LAMC2: variants seen among roughly 807,000 people sequenced by gnomAD.
LAMC2 encodes the protein laminin subunit gamma-2.
In LAMC2, 97 loss-of-function variants were observed where a neutral mutation model predicts 140.2. That is an observed-to-expected ratio of 0.69 (90% CI 0.59 to 0.82). The LOEUF is 0.82. Ranked by LOEUF, LAMC2 falls within the 40% of genes least tolerant of loss-of-function variation. The probability of loss-of-function intolerance (pLI) is 0.00; values close to 1 mark genes in which losing one functional copy is unlikely to be tolerated. For synonymous variants in LAMC2, 513 were observed against 540.2 expected (o/e 0.95, Z 0.70); for missense variants, 1,402 against 1,476.1 (o/e 0.95, Z 0.82).
the LAMC2 span, chr1:183,252,614 A>G: frequency 2.7e-6 from 4 of 1,484,320 alleles, no homozygotes; most frequent in East Asian, 2.3e-5. Flanking sequence ...TGGAGGGGCC[A>G]TTGTGTTGCC....
At chr1:183,257,902 T>A in the LAMC2 span, among the ~76,000 whole-genome samples, 2 of 152,200 alleles carry the variant, frequency 1.3e-5, no homozygotes, top group African/African-American at 4.8e-5. Flanking sequence ...TTTAGTTTGT[T>A]CTTCTTTTTC....
intron 7 of LAMC2, among the ~76,000 whole-genome samples, chr1:183,224,269 G>C (rs926679929): frequency 1.3e-5 from 2 of 152,118 alleles, no homozygotes. Flanking sequence ...ATAATATAGG[G>C]GAGAACTGGC....
rs764478441 is a variant in LAMC2 at position 183,227,650 on chromosome 1, C to T, written c.1421C>T (p.Pro474Leu). The change falls in exon 10 of 23, where the codon CCG becomes CTG. Residue 474 changes from proline to leucine, a missense_variant. By Grantham distance (98) the Pro-to-Leu change is moderately conservative (BLOSUM62 -3). Transcript: ENST00000264144. ...CHNGFSCSVM[P>L]ETEEVVCNNC... is the part of the protein sequence containing the mutation. ...AACGGGTTCAGCTGCTCAGTGATGC[C>T]GGAGACGGAGGAGGTGGTGTGCAAT... 8.1e-6 allele frequency: 13 copies of T among 1,614,142 alleles called. No individual in the cohort carries two copies. Among genetic ancestry groups the T allele is most frequent in the South Asian group, 1.1e-5 (1 of 91,084 alleles).
At chr1:183,190,425 A>T (rs907857043) in intron 1 of LAMC2, among the ~76,000 whole-genome samples, 1 of 151,972 alleles carries the variant, frequency 6.6e-6, no homozygotes, top group Non-Finnish European at 1.5e-5. Context: ...AGTTTTACCC[A>T]ACAAAACAGG....
intron 5 of LAMC2, 128 bp from the exon 6 acceptor site, chr1:183,221,959 ATG>A: frequency 8.9e-7 from 1 of 1,117,804 alleles, no homozygotes; most frequent in East Asian, 2.4e-5. Context: ...CCATTTGCAA[ATG>A]TGGAAATATT....
At chr1:183,239,643 T>C in intron 20 of LAMC2, 80 bp downstream of exon 20, 1 of 1,279,766 alleles carries the variant, frequency 7.8e-7, no homozygotes, top group Non-Finnish European at 1.1e-6. Flanking sequence ...AACATTGAGC[T>C]TATTTTAACC....
the LAMC2 span, among the ~76,000 whole-genome samples, chr1:183,258,918 G>A: frequency 2.0e-5 from 3 of 152,140 alleles, no homozygotes; most frequent in Non-Finnish European, 2.9e-5. Context: ...CTCTGCTCCC[G>A]AAATGCTCAG....
At chr1:183,236,064 G>C (rs2102246121) in intron 16 of LAMC2, among the ~76,000 whole-genome samples, 1 of 152,232 alleles carries the variant, frequency 6.6e-6, no homozygotes, top group East Asian at 1.9e-4. Context: ...CTGTTATCAA[G>C]AAGTGGGGAA....
At chr1:183,230,842 A>G in intron 11 of LAMC2, 119 bp from the exon 12 acceptor site, 1 of 1,142,780 alleles carries the variant, frequency 8.8e-7, no homozygotes, top group Non-Finnish European at 1.3e-6. Context: ...AAGAAGGTGC[A>G]TGGAGGTATA....
At chr1:183,237,627 C>A in intron 18 of LAMC2, 123 bp downstream of exon 18, 1 of 1,046,080 alleles carries the variant, frequency 9.6e-7, no homozygotes, top group South Asian at 1.4e-5. Flanking sequence ...CCCTGTAATC[C>A]CCGCACTTTT....
rs555104434 is a variant in LAMC2 at position 183,215,310 on chromosome 1, T to C, written c.269-143T>C. 5.2e-4 allele frequency: 449 copies of C among 871,514 alleles called. 8 individuals carry two copies. In the South Asian group the frequency reaches 6.2e-3, roughly 12 times the overall value. 54.0% of individuals were successfully genotyped at this position (871,514 alleles called of 1,614,324 possible). A position where few individuals can be genotyped will look rare whatever the true frequency, so the allele number is the denominator to read the frequency against. On this transcript the variant is annotated intron_variant, in intron 2 of 22. Coordinates refer to ENST00000264144, the MANE Select transcript of LAMC2 (RefSeq NM_005562.3). The stretch of plus-strand genomic sequence containing the variant: ...ACCATCCCCGGTGACACGCAGGCGA[T>C]GTGAAGTGACTGTTAAAAGCAGCAG...
chr1:183,227,730 C>T, intron 10 of LAMC2, 33 bp downstream of exon 10: 2 of 1,597,916 alleles, frequency 1.3e-6, no homozygotes, highest in Non-Finnish European at 1.7e-6. Flanking sequence ...CCACCTGCCT[C>T]TTCCTGTCCT....
the LAMC2 span, among the ~76,000 whole-genome samples, chr1:183,258,441 C>T: frequency 6.6e-6 from 1 of 152,168 alleles, no homozygotes; most frequent in South Asian, 2.1e-4. Flanking sequence ...TTGCTTCTAA[C>T]CTCCAAGCTG....
chr1:183,211,749 C>T (rs1263683203), intron 2 of LAMC2, among the ~76,000 whole-genome samples: 1 of 152,154 alleles, frequency 6.6e-6, no homozygotes, highest in Non-Finnish European at 1.5e-5. Context: ...TCAAGAAATC[C>T]TCCTGCCTCA....
intron 2 of LAMC2, among the ~76,000 whole-genome samples, chr1:183,211,251 G>A (rs1489084022): frequency 6.6e-6 from 1 of 152,180 alleles, no homozygotes; most frequent in East Asian, 1.9e-4. Context: ...ACCTTTTGCA[G>A]ATACTTTGAA....
Position 183,222,187 on chromosome 1 carries a change from G to T in LAMC2, c.739G>T (p.Asp247Tyr). The change falls in exon 6 of 23, where the codon GAC becomes TAC. Residue 247 changes from aspartate to tyrosine, a missense_variant. Physicochemically the swap from Asp to Tyr is radical, Grantham distance 160. Coordinates refer to ENST00000264144, the MANE Select transcript of LAMC2 (RefSeq NM_005562.3). ...QDVFSSAQRL[D>Y]PVYFVAPAKF... ...TGTGTTTAGCTCAGCCCAACGACTA[G>T]ACCCTGTCTATTTTGTGGCTCCTGG... is the stretch of plus-strand genomic sequence containing the variant. 6.2e-7 allele frequency: 1 copy of T among 1,614,134 alleles called. No individual in the cohort carries two copies. Among genetic ancestry groups the T allele is most frequent in the Non-Finnish European group, 8.5e-7 (1 of 1,179,992 alleles).
Position 183,240,364 on chromosome 1 carries a change from A to T in LAMC2, c.3301A>T (p.Thr1101Ser), listed in dbSNP as rs201230204. The part of the protein sequence containing the change: ...AGVTIQDTLN[T>S]LDGLLHLMDQ... The stretch of plus-strand genomic sequence containing the variant: ...GGTTACAATCCAAGACACACTCAAC[A>T]CATTAGACGGCCTCCTGCATCTGAT... Residue 1101 changes from threonine (T) to serine (S), a missense_variant, in exon 22 of 23, where the codon ACA becomes TCA. Thr to Ser is a moderately conservative substitution (Grantham distance 58). Around this residue, in one of 3 missense-constraint regions of LAMC2, gnomAD observed 670 missense variants for 667.2 expected, o/e 1.00. Coordinates refer to ENST00000264144, the MANE Select transcript of LAMC2 (RefSeq NM_005562.3). 2.6e-5 allele frequency: 42 copies of T among 1,614,228 alleles called. No homozygotes were observed. The East Asian group carries it at 9.1e-4, about 35-fold the overall frequency.
At chr1:183,224,480 G>A (rs970965947) in intron 7 of LAMC2, among the ~76,000 whole-genome samples, 5 of 152,126 alleles carry the variant, frequency 3.3e-5, no homozygotes, top group Non-Finnish European at 5.9e-5. Context: ...AAGGCTAGGT[G>A]CAACTACAGG....
At position 183,243,547 on chromosome 1, in the gene LAMC2, C is replaced by A; in HGVS notation, c.*147C>A. 1.0e-6 allele frequency: 1 copy of A among 969,384 alleles called. No homozygotes were observed. Among genetic ancestry groups the A allele is most frequent in the South Asian group, 1.4e-5 (1 of 72,136 alleles). The allele number at this position is 969,384 out of a possible 1,614,324, so 60.0% of individuals were successfully genotyped here. A position where few individuals can be genotyped will look rare whatever the true frequency, so the allele number is the denominator to read the frequency against. Reference sequence around the variant, plus strand: ...AACTGACCTGACCCCATTCCTGATCCCATGGCCAGGTGGTTGTCTTATTGC... The same window carrying A: ...AACTGACCTGACCCCATTCCTGATCACATGGCCAGGTGGTTGTCTTATTGC... On this transcript the variant is annotated 3_prime_UTR_variant, in exon 23 of 23. Transcript: ENST00000264144.
Sources: allele counts gnomAD v4.1 joint callset (sites outside exome capture counted in the v4.1 genomes callset), GRCh38; gene constraint gnomAD v4.1.1; regional missense constraint gnomAD v4.1.1; transcripts MANE v1.5; gene names NCBI Gene and HGNC (gene_info 2026-07-23, HGNC 2026-07-21).